Variants in HDAC4 observed in about 807,000 individuals in gnomAD.
HDAC4 encodes the protein histone deacetylase 4.
In HDAC4, 16 loss-of-function variants were observed where a neutral mutation model predicts 135.1. The observed-to-expected ratio is 0.12, with a 90% CI of 0.08 to 0.18. HDAC4 has a LOEUF of 0.18. Among genes scored for constraint, HDAC4 ranks in the 10% least tolerant of loss-of-function variants. The pLI is 1.00. For missense variants in HDAC4, 1,143 were observed against 1,511.8 expected (o/e 0.76, Z 4.05); for synonymous variants, 685 against 653.4 (o/e 1.05, Z -0.74).
intron 15 of HDAC4, among the ~76,000 whole-genome samples, chr2:239,104,264 C>T (rs1044483887): frequency 3.3e-5 from 5 of 152,096 alleles, no homozygotes; most frequent in African/African-American, 1.2e-4. Flanking sequence ...GAGTTTCGCT[C>T]GTTGCCCAGG....
intron 2 of HDAC4, among the ~76,000 whole-genome samples, chr2:239,242,145 A>G (rs1283994857): frequency 1.3e-5 from 2 of 151,492 alleles, no homozygotes; most frequent in Admixed American, 1.3e-4. Context: ...AGAAAGAAAG[A>G]AAGAAAGAGA....
rs2048402750 is a variant in HDAC4 at position 239,245,298 on chromosome 2, G to T, written c.23-8634C>A. Among the ~76,000 whole-genome samples the T allele has an allele frequency of 1.3e-5, 2 of 152,208 alleles. No individual in the cohort carries two copies. The highest frequency in any genetic ancestry group is 4.1e-4 in the South Asian group (2 of 4,836). On this transcript the variant is annotated intron_variant, in intron 2 of 26. Transcript: ENST00000543185. The surrounding 1 kb of genome is among the most constrained non-coding windows in gnomAD (Gnocchi z 4.4). The stretch of plus-strand genomic sequence containing the variant: ...AAGGACACTGGATTGGCTATGATCA[G>T]TCAAGCCCTGAAACAGAAAATCCCA...
intron 3 of HDAC4, 135 bp from the exon 4 acceptor site, chr2:239,190,212 C>T: frequency 2.5e-6 from 3 of 1,208,376 alleles, no homozygotes; most frequent in East Asian, 2.5e-5. Context: ...TTGGATACCC[C>T]TCTCCCCCTG....
intron 12 of HDAC4, among the ~76,000 whole-genome samples, chr2:239,120,470 G>GACAGATAC (rs1234180522): frequency 6.6e-6 from 1 of 151,660 alleles, no homozygotes; most frequent in Non-Finnish European, 1.5e-5. Flanking sequence ...CACATGAAGA[G>GACAGATAC]ACAGATACAC....
intron 3 of HDAC4, among the ~76,000 whole-genome samples, chr2:239,235,043 A>G (rs2047803908): frequency 6.6e-6 from 1 of 152,186 alleles, no homozygotes; most frequent in African/African-American, 2.4e-5. Flanking sequence ...ACATAAGCCA[A>G]AATTTTAAAA....
chr2:239,318,245 C>T (rs577894616), intron 2 of HDAC4, among the ~76,000 whole-genome samples: 1 of 152,218 alleles, frequency 6.6e-6, no homozygotes, highest in Non-Finnish European at 1.5e-5. Flanking sequence ...TGAGAGCTTC[C>T]GGGCAGCATC....
chr2:239,140,939 A>T, intron 8 of HDAC4: 1 of 456,586 alleles, frequency 2.2e-6, no homozygotes, highest in Admixed American at 2.4e-5. Flanking sequence ...CACAGTGAGG[A>T]GGATGAGGAG....
chr2:239,183,863 T>C (rs2044313161), intron 4 of HDAC4, among the ~76,000 whole-genome samples: 1 of 151,806 alleles, frequency 6.6e-6, no homozygotes, highest in African/African-American at 2.4e-5. Context: ...GGCCAGGTAT[T>C]AAAGAGAATA....
chr2:239,380,388 A>G (rs1695334582), intron 1 of HDAC4, among the ~76,000 whole-genome samples: 1 of 152,234 alleles, frequency 6.6e-6, no homozygotes, highest in Non-Finnish European at 1.5e-5. Context: ...TATTGATAAT[A>G]TAGACATATT....
Position 239,367,922 on chromosome 2 carries a change from G to A in HDAC4, c.-219-15004C>T, listed in dbSNP as rs1193777817. On this transcript the variant is annotated intron_variant, in intron 1 of 26. Transcript: ENST00000543185. ...AAACCTGGGAGGCGGAGGTGGCAGT[G>A]AGCCGAGACCACACCACTGCACTCC... Among the ~76,000 whole-genome samples the A allele has an allele frequency of 5.3e-5, 8 of 151,954 alleles. No individual in the cohort carries two copies. The South Asian group carries it at 1.7e-3, about 32-fold the overall frequency.
At chr2:239,348,082 C>T (rs1285248607) in intron 2 of HDAC4, among the ~76,000 whole-genome samples, 2 of 146,092 alleles carry the variant, frequency 1.4e-5, no homozygotes, top group African/African-American at 5.2e-5. Context: ...AGACACGTCC[C>T]AGCAAATCCA....
chr2:239,122,820 G>A (rs993653331), intron 12 of HDAC4, among the ~76,000 whole-genome samples: 14 of 152,204 alleles, frequency 9.2e-5, no homozygotes, highest in Non-Finnish European at 4.4e-5. Flanking sequence ...GGCTGAAGGA[G>A]GGGCAGACCA....
intron 3 of HDAC4, among the ~76,000 whole-genome samples, chr2:239,236,056 T>C (rs2047869635): frequency 6.6e-6 from 1 of 152,172 alleles, no homozygotes; most frequent in South Asian, 2.1e-4. Flanking sequence ...GACAAATGCA[T>C]AAATAACTAA....
chr2:239,065,046 C>T (rs1271124903), intron 24 of HDAC4, among the ~76,000 whole-genome samples: 5 of 152,240 alleles, frequency 3.3e-5, no homozygotes, highest in East Asian at 3.9e-4. Context: ...CTCGTGACCT[C>T]GAGTGCCTCT....
At position 239,068,302 on chromosome 2, in the gene HDAC4, C is replaced by T. The variant is rs928808010; in HGVS notation, c.2869+187G>A. Among the ~76,000 whole-genome samples the T allele has an allele frequency of 3.3e-5, 5 of 152,150 alleles. No individual in the cohort carries two copies. The highest frequency in any genetic ancestry group is 1.3e-4 in the Admixed American group (2 of 15,282). ...CCCGAGGTGCCTGGGTCTGAGCTCC[C>T]GCTGCCTGCTCTGGGCTCTCTGGGG... On this transcript the variant is annotated intron_variant, in intron 23 of 26. Coordinates refer to ENST00000543185, the MANE Select transcript of HDAC4 (RefSeq NM_001378414.1). The surrounding 1 kb of genome is among the most constrained non-coding windows in gnomAD (Gnocchi z 4.4).
chr2:239,131,058 G>T (rs1049109399), intron 11 of HDAC4, among the ~76,000 whole-genome samples: 1 of 152,248 alleles, frequency 6.6e-6, no homozygotes, highest in Non-Finnish European at 1.5e-5. Flanking sequence ...ACTCTGCAAA[G>T]ATCTGAGTCC....
At chr2:239,304,466 C>A (rs987765947) in intron 2 of HDAC4, among the ~76,000 whole-genome samples, 1 of 152,142 alleles carries the variant, frequency 6.6e-6, no homozygotes, top group Admixed American at 6.5e-5. Context: ...GAACTCAGAG[C>A]CCCCATGAGG....
Position 239,115,446 on chromosome 2 carries a change from G to T in HDAC4, c.1534-136C>A. The T allele has an allele frequency of 9.4e-7, 1 of 1,059,166 alleles. No homozygotes were observed. The highest frequency in any genetic ancestry group is 1.4e-6 in the Non-Finnish European group (1 of 730,088). 65.6% of individuals were successfully genotyped at this position (1,059,166 alleles called of 1,614,324 possible). ...CAGGGCACCTTATCACCCTGCCACA[G>T]GCCAGCAGGCACCTTTATCTCCCAA... On this transcript the variant is annotated intron_variant, in intron 12 of 26. Transcript: ENST00000543185. This position sits in a 1 kb window ranked among gnomAD's most constrained non-coding sequence, Gnocchi z 6.3.
chr2:239,341,674 T>A (rs189951598), intron 2 of HDAC4, among the ~76,000 whole-genome samples: 1 of 152,288 alleles, frequency 6.6e-6, no homozygotes, highest in Non-Finnish European at 1.5e-5. Flanking sequence ...AGCATCCAAT[T>A]TCTACATATT....
Sources: allele counts gnomAD v4.1 joint callset (sites outside exome capture counted in the v4.1 genomes callset), GRCh38; gene constraint gnomAD v4.1.1; non-coding constraint Gnocchi (gnomAD v3.1); transcripts MANE v1.5; gene names NCBI Gene and HGNC (gene_info 2026-07-23, HGNC 2026-07-21).